TCF4: variants seen among roughly 807,000 people sequenced by gnomAD.
The protein encoded by TCF4 is SL3-3 enhancer factor 2.
In TCF4, 3 loss-of-function variants were observed where a neutral mutation model predicts 82.1. That is an observed-to-expected ratio of 0.04 (90% CI 0.02 to 0.09). The LOEUF (loss-of-function observed/expected upper bound fraction) is 0.09, where lower values mean the gene tolerates loss of function less well. TCF4 is among the 10% of genes least tolerant of loss of function. The pLI, the probability that TCF4 is intolerant of heterozygous loss-of-function variation, is 1.00. For missense variants in TCF4, 518 were observed against 852.7 expected, an observed-to-expected ratio of 0.61 and a Z score of 4.89; for synonymous variants, 276 against 309.6, an observed-to-expected ratio of 0.89 and a Z score of 1.14.
chr18:55,318,145 G>C (rs1046773400), intron 8 of TCF4, among the ~76,000 whole-genome samples: 4 of 152,018 alleles, frequency 2.6e-5, no homozygotes, highest in African/African-American at 9.7e-5. Context: ...TTTGTTTTCA[G>C]TTTTATTTGC....
intron 8 of TCF4, among the ~76,000 whole-genome samples, chr18:55,331,380 C>A (rs1275902258): frequency 1.3e-5 from 2 of 152,220 alleles, no homozygotes; most frequent in Non-Finnish European, 2.9e-5. Flanking sequence ...TAGGCATAGG[C>A]ATCTACCTTG....
chr18:55,572,206 A>G (rs2097480112), intron 3 of TCF4, among the ~76,000 whole-genome samples: 1 of 152,222 alleles, frequency 6.6e-6, no homozygotes, highest in African/African-American at 2.4e-5. Context: ...TGACACAGAT[A>G]TCAGGATCCA....
chr18:55,319,134 C>T (rs2074878070), intron 8 of TCF4, among the ~76,000 whole-genome samples: 1 of 152,190 alleles, frequency 6.6e-6, no homozygotes, highest in Non-Finnish European at 1.5e-5. Context: ...GGTTCAAACA[C>T]ACATTGGTTA....
intron 3 of TCF4, among the ~76,000 whole-genome samples, chr18:55,472,959 T>C (rs1419436838): frequency 6.6e-6 from 1 of 152,218 alleles, no homozygotes; most frequent in Non-Finnish European, 1.5e-5. Flanking sequence ...CATTTAAGAA[T>C]ATGCTTCATT....
At chr18:55,604,294 G>A (rs1021659845) in intron 2 of TCF4, among the ~76,000 whole-genome samples, 18 of 151,832 alleles carry the variant, frequency 1.2e-4, no homozygotes, top group South Asian at 2.1e-4. Context: ...CAGAATCCTT[G>A]GAGAAACTGC....
intron 8 of TCF4, chr18:55,321,845 C>A: frequency 1.4e-6 from 2 of 1,477,302 alleles, no homozygotes; most frequent in South Asian, 2.7e-5. Context: ...CCCATATGGC[C>A]GGGCCAAGCG....
In TCF4 at chr18:55,326,495, G is replaced by C. The variant is rs565449796; in HGVS notation, c.549+23864C>G. On this transcript the variant is annotated intron_variant, in intron 8 of 19. Transcript: ENST00000354452. ...TGGAAAAAAGAATTATAAAAATACA[G>C]CACCATGCTAAACTCTTCCCAATGG... is the stretch of plus-strand genomic sequence containing the variant. Among the ~76,000 whole-genome samples, 6 of 146,246 alleles carry C rather than the reference G, an allele frequency of 4.1e-5. No individual in the cohort carries two copies. The South Asian group carries it at 1.1e-3, about 27-fold the overall frequency.
intron 6 of TCF4, among the ~76,000 whole-genome samples, chr18:55,398,652 A>T (rs2093634120): frequency 6.6e-6 from 1 of 152,186 alleles, no homozygotes; most frequent in Non-Finnish European, 1.5e-5. Flanking sequence ...TTTCGTAGGC[A>T]TGAAAAAGAT....
chr18:55,254,403 A>C, intron 15 of TCF4, 94 bp downstream of exon 15: 1 of 1,216,992 alleles, frequency 8.2e-7, no homozygotes, highest in Non-Finnish European at 1.2e-6. Context: ...TATCTCAATA[A>C]AGCTGATTTT....
intron 8 of TCF4, among the ~76,000 whole-genome samples, chr18:55,283,014 A>C (rs1412499249): frequency 6.6e-6 from 1 of 152,102 alleles, no homozygotes; most frequent in East Asian, 1.9e-4. Flanking sequence ...TTCATGGAAA[A>C]CTAGTAACAC....
chr18:55,596,186 T>G, intron 2 of TCF4: 1 of 404,716 alleles, frequency 2.5e-6, no homozygotes. Flanking sequence ...GCTGAGATGG[T>G]GCCACTGCAC....
At chr18:55,365,117 C>T (rs762810168) in intron 6 of TCF4, among the ~76,000 whole-genome samples, 18 of 143,754 alleles carry the variant, frequency 1.3e-4, no homozygotes, top group Non-Finnish European at 2.3e-4. Flanking sequence ...CATGCCACTG[C>T]ACTTCAGCCT....
chr18:55,320,335 T>TA (rs1340675158), intron 8 of TCF4, among the ~76,000 whole-genome samples: 1 of 152,220 alleles, frequency 6.6e-6, no homozygotes, highest in Non-Finnish European at 1.5e-5. Flanking sequence ...TGCTCTTTTT[T>TA]AAAAAAGATA....
intron 6 of TCF4, among the ~76,000 whole-genome samples, chr18:55,365,191 A>ATATATATATATGTG (rs1361444592): frequency 2.1e-4 from 21 of 97,928 alleles, no homozygotes; most frequent in African/African-American, 5.5e-4. Context: ...ATATATATAT[A>ATATATATATATGTG]TGTGTGTGTG....
chr18:55,590,836 T>A (rs2047849536), upstream of TCF4, among the ~76,000 whole-genome samples: 1 of 152,226 alleles, frequency 6.6e-6, no homozygotes, highest in African/African-American at 2.4e-5. Context: ...CTATGGAGTA[T>A]GTATTACTAC....
chr18:55,271,563 A>G (rs577157410), intron 10 of TCF4, among the ~76,000 whole-genome samples: 184 of 152,254 alleles, frequency 1.2e-3, no homozygotes, highest in Non-Finnish European at 3.8e-4. Flanking sequence ...GCCCAACTTA[A>G]AAGACTTCCG....
chr18:55,460,656 A>G (rs1163958463), intron 5 of TCF4, among the ~76,000 whole-genome samples: 1 of 152,200 alleles, frequency 6.6e-6, no homozygotes, highest in Admixed American at 6.5e-5. Context: ...CTGCCAACCA[A>G]CAAGCCCAGT....
At chr18:55,382,878 G>A (rs2092141855) in intron 6 of TCF4, among the ~76,000 whole-genome samples, 1 of 152,170 alleles carries the variant, frequency 6.6e-6, no homozygotes, top group Non-Finnish European at 1.5e-5. Context: ...TACCTATTCT[G>A]ATAGTTACAA....
At chr18:55,474,527 T>C (rs2096250678) in intron 3 of TCF4, among the ~76,000 whole-genome samples, 1 of 152,150 alleles carries the variant, frequency 6.6e-6, no homozygotes, top group Admixed American at 6.5e-5. Context: ...ACCTGACCAA[T>C]CTTGAAATGA....
Sources: allele counts gnomAD v4.1 joint callset (sites outside exome capture counted in the v4.1 genomes callset), GRCh38; gene constraint gnomAD v4.1.1; transcripts MANE v1.5; gene names NCBI Gene and HGNC (gene_info 2026-07-23, HGNC 2026-07-21).